Variants in CAMK1D observed in about 807,000 individuals in gnomAD.
CAMK1D encodes calcium/calmodulin dependent protein kinase ID.
Under a neutral mutation model 47.7 loss-of-function variants are expected in CAMK1D, and 9 were observed. That is an observed-to-expected ratio of 0.19 (90% CI 0.11 to 0.33). The LOEUF is 0.33. CAMK1D is among the 10% of genes least tolerant of loss of function. The pLI, the probability that CAMK1D is intolerant of heterozygous loss-of-function variation, is 1.00. For missense variants in CAMK1D, 291 were observed against 488.7 expected (o/e 0.60, Z 3.81); for synonymous variants, 184 against 184.9 (o/e 0.99, Z 0.04).
chr10:12,424,555 G>A (rs76987186), intron 1 of CAMK1D, among the ~76,000 whole-genome samples: 6,257 of 152,214 alleles, frequency 0.041, 209 homozygotes, highest in Non-Finnish European at 0.068. Flanking sequence ...TGCTGGTCTC[G>A]CTTCCTTCTA....
intron 1 of CAMK1D, among the ~76,000 whole-genome samples, chr10:12,456,286 A>G (rs1418796537): frequency 1.3e-5 from 2 of 152,194 alleles, no homozygotes; most frequent in East Asian, 3.8e-4. Context: ...GAATTCCTGA[A>G]TGCTCTTATA....
At chr10:12,649,785 G>A (rs1005160202) in intron 2 of CAMK1D, among the ~76,000 whole-genome samples, 12 of 152,228 alleles carry the variant, frequency 7.9e-5, no homozygotes, top group Admixed American at 3.9e-4. Context: ...AGGAAATCTC[G>A]ACATTTACAC....
intron 1 of CAMK1D, among the ~76,000 whole-genome samples, chr10:12,438,706 A>G (rs1292523808): frequency 1.3e-5 from 2 of 152,218 alleles, no homozygotes; most frequent in African/African-American, 4.8e-5. Context: ...CTTGAGACTT[A>G]GAATTCTCAC....
chr10:12,611,960 G>A (rs1212662966), intron 2 of CAMK1D, among the ~76,000 whole-genome samples: 1 of 152,152 alleles, frequency 6.6e-6, no homozygotes, highest in African/African-American at 2.4e-5. Flanking sequence ...TCCACTTCAT[G>A]AAGCATTTCA....
intron 5 of CAMK1D, among the ~76,000 whole-genome samples, chr10:12,780,148 G>A (rs571369785): frequency 2.0e-5 from 3 of 152,284 alleles, no homozygotes; most frequent in African/African-American, 7.2e-5. Context: ...TGTTAATTCA[G>A]GGATCACTGC....
At chr10:12,535,138 G>A (rs757273795) in intron 1 of CAMK1D, among the ~76,000 whole-genome samples, 69 of 152,226 alleles carry the variant, frequency 4.5e-4, no homozygotes, top group Non-Finnish European at 8.2e-4. Flanking sequence ...ACAGCCCATC[G>A]TATGCGCCTG....
intron 6 of CAMK1D, among the ~76,000 whole-genome samples, chr10:12,802,547 G>A (rs949099102): frequency 1.3e-5 from 2 of 152,116 alleles, no homozygotes; most frequent in Non-Finnish European, 2.9e-5. Flanking sequence ...TTGAGACAGA[G>A]TCTTGCTCTG....
At chr10:12,360,822 C>T (rs1046744116) in intron 1 of CAMK1D, among the ~76,000 whole-genome samples, 3 of 152,076 alleles carry the variant, frequency 2.0e-5, no homozygotes, top group Non-Finnish European at 4.4e-5. Flanking sequence ...CTGTCCTGGG[C>T]TCTGGAAAGG....
chr10:12,618,266 G>A (rs1036318344), intron 2 of CAMK1D, among the ~76,000 whole-genome samples: 1 of 151,908 alleles, frequency 6.6e-6, no homozygotes. Context: ...TCATTTTGTG[G>A]TGTGCATGTG....
chr10:12,479,355 C>A (rs1833996234), intron 1 of CAMK1D, among the ~76,000 whole-genome samples: 1 of 152,080 alleles, frequency 6.6e-6, no homozygotes, highest in African/African-American at 2.4e-5. Flanking sequence ...CACCACCACG[C>A]CTGGCTAATT....
chr10:12,439,516 C>G (rs1007905048), intron 1 of CAMK1D, among the ~76,000 whole-genome samples: 4 of 152,194 alleles, frequency 2.6e-5, no homozygotes, highest in African/African-American at 9.7e-5. Context: ...GGGATTTGCT[C>G]TCACCAGTCC....
intron 1 of CAMK1D, among the ~76,000 whole-genome samples, chr10:12,360,514 A>C (rs937120057): frequency 1.3e-5 from 2 of 152,172 alleles, no homozygotes; most frequent in Non-Finnish European, 2.9e-5. Flanking sequence ...TTGAAAGAAG[A>C]CTGCTTCAAA....
In CAMK1D at chr10:12,603,523, T is replaced by C. The variant is rs557521978; in HGVS notation, c.224+50167T>C. Among the ~76,000 whole-genome samples the C allele has an allele frequency of 2.0e-5, 3 of 152,346 alleles. No individual in the cohort carries two copies. In the South Asian group the frequency reaches 6.2e-4, roughly 32 times the overall value. On this transcript the variant is annotated intron_variant, in intron 2 of 10. Transcript: ENST00000619168. ...TCTGCTGTTGTAATAGGTCCTTACC[T>C]GGCCTTCTCACCTGCCTTCCTCCAG...
At chr10:12,693,966 AAT>A (rs1474647628) in intron 3 of CAMK1D, among the ~76,000 whole-genome samples, 2 of 26,788 alleles carry the variant, frequency 7.5e-5, no homozygotes, top group Non-Finnish European at 1.7e-4. Flanking sequence ...TTATATATAA[AAT>A]ATATAATATA....
intron 3 of CAMK1D, among the ~76,000 whole-genome samples, chr10:12,712,228 G>A (rs1833964595): frequency 6.6e-6 from 1 of 152,184 alleles, no homozygotes; most frequent in African/African-American, 2.4e-5. Flanking sequence ...GGGACAATAG[G>A]AGCTGATGTT....
chr10:12,722,370 C>G (rs569552696), intron 3 of CAMK1D, among the ~76,000 whole-genome samples: 1 of 133,732 alleles, frequency 7.5e-6, no homozygotes, highest in Non-Finnish European at 1.5e-5. Context: ...GGTGTGAACC[C>G]AGGAGGCAGA....
chr10:12,768,038 A>T (rs1836860203), intron 4 of CAMK1D, among the ~76,000 whole-genome samples: 1 of 151,898 alleles, frequency 6.6e-6, no homozygotes, highest in Non-Finnish European at 1.5e-5. Flanking sequence ...ACGCCCGGCT[A>T]ATTTTTGTAT....
intron 3 of CAMK1D, among the ~76,000 whole-genome samples, chr10:12,742,743 A>G (rs1049840721): frequency 6.6e-6 from 1 of 152,210 alleles, no homozygotes; most frequent in African/African-American, 2.4e-5. Flanking sequence ...GGGAGATGTA[A>G]CTAACTAAAA....
At chr10:12,469,542 C>T (rs1258735699) in intron 1 of CAMK1D, among the ~76,000 whole-genome samples, 3 of 152,160 alleles carry the variant, frequency 2.0e-5, no homozygotes, top group East Asian at 1.9e-4. Context: ...AACAACCCAC[C>T]TTCCCCAGGA....
Sources: gnomAD v4.1 joint callset for allele counts (sites outside exome capture counted in the v4.1 genomes callset) on GRCh38, gnomAD v4.1.1 for gene constraint, MANE v1.5 for transcripts, NCBI Gene and HGNC (gene_info 2026-07-23, HGNC 2026-07-21) for gene names.